KCTD6: variants seen among roughly 807,000 people sequenced by gnomAD.
The protein encoded by KCTD6 is potassium channel tetramerization domain containing 6, also known as BTB/POZ domain-containing protein KCTD6.
In KCTD6, 6 loss-of-function variants were observed where a neutral mutation model predicts 18.7. That is an observed-to-expected ratio of 0.32 (90% CI 0.18 to 0.63). The LOEUF (loss-of-function observed/expected upper bound fraction) is 0.63, where lower values mean the gene tolerates loss of function less well. Ranked by LOEUF, KCTD6 falls within the 30% of genes least tolerant of loss-of-function variation. KCTD6 has a pLI of 0.79. For synonymous variants in KCTD6, 86 were observed against 108.5 expected (o/e 0.79, Z 1.29); for missense variants, 165 against 300.2 (o/e 0.55, Z 3.33).
chr3:58,501,938 T>C lies in KCTD6; in HGVS notation c.*306T>C, dbSNP rs117978249. On this transcript the variant is annotated 3_prime_UTR_variant, in exon 3 of 3. Coordinates refer to ENST00000404589, the MANE Select transcript of KCTD6 (RefSeq NM_001128214.2). This position sits in a 1 kb window ranked among gnomAD's most constrained non-coding sequence, Gnocchi z 9.7. ...TTTTCTTATTACAGTGCTAAAATGA[T>C]TTCTGATAAAATGGTCCCTAACTCA... The C allele has an allele frequency of 8.6e-4, 165 of 191,590 alleles. No individual in the cohort carries two copies. In the East Asian group the frequency reaches 0.019, roughly 22 times the overall value. 11.9% of individuals were successfully genotyped at this position (191,590 alleles called of 1,614,324 possible). A position where few individuals can be genotyped will look rare whatever the true frequency, so the allele number is the denominator to read the frequency against.
chr3:58,498,014 C>T lies in KCTD6; in HGVS notation c.-43-699C>T, dbSNP rs984927707. On this transcript the variant is annotated intron_variant, in intron 1 of 2. Coordinates refer to ENST00000404589, the MANE Select transcript of KCTD6 (RefSeq NM_001128214.2). The surrounding 1 kb of genome is among the most constrained non-coding windows in gnomAD (Gnocchi z 4.6). Reference sequence around the variant, plus strand: ...TTTTTTTTTTTGAGATGGAGTCTCGCACTGTTGCAGGGGCTGGTGTGCAGT... The same window carrying T: ...TTTTTTTTTTTGAGATGGAGTCTCGTACTGTTGCAGGGGCTGGTGTGCAGT... 1.4e-5 allele frequency: 2 copies of T among 146,708 alleles called. No individual in the cohort carries two copies. The highest frequency in any genetic ancestry group is 5.1e-5 in the African/African-American group (2 of 39,602). 9.1% of individuals were successfully genotyped at this position (146,708 alleles called of 1,614,324 possible).
chr3:58,492,117 C>T lies in KCTD6; in HGVS notation c.-96C>T, dbSNP rs1324284049. On this transcript the variant is annotated 5_prime_UTR_variant, in exon 1 of 3. Transcript: ENST00000404589. The surrounding 1 kb of genome is among the most constrained non-coding windows in gnomAD (Gnocchi z 6.1). ...GCTCGCTTGTCCCCGCGCTCGCGCT[C>T]TCCGGCCGCGGGCATCTCCCGGCCC... 1 of 148,970 alleles carries T rather than the reference C, an allele frequency of 6.7e-6. No individual in the cohort carries two copies. Among genetic ancestry groups the T allele is most frequent in the African/African-American group, 2.4e-5 (1 of 41,026 alleles). 9.2% of individuals were successfully genotyped at this position (148,970 alleles called of 1,614,324 possible). A position where few individuals can be genotyped will look rare whatever the true frequency, so the allele number is the denominator to read the frequency against.
At chr3:58,500,151 T>C (rs1212156294) in intron 2 of KCTD6, among the ~76,000 whole-genome samples, 1 of 151,970 alleles carries the variant, frequency 6.6e-6, no homozygotes, top group Non-Finnish European at 1.5e-5. Flanking sequence ...AATCTCTCTG[T>C]GTCGCCCAGG....
rs548080051 is a variant in KCTD6 at position 58,498,551 on chromosome 3, G to T, written c.-43-162G>T. On this transcript the variant is annotated intron_variant, in intron 1 of 2. Transcript: ENST00000404589. The surrounding 1 kb of genome is among the most constrained non-coding windows in gnomAD (Gnocchi z 4.6). The stretch of plus-strand genomic sequence containing the variant: ...ACAGGACATGTAGAAGGCCCTAGGG[G>T]AATGCTTTCTTCCCCAGATCTTTGC... 2 of 591,338 alleles carry T rather than the reference G, an allele frequency of 3.4e-6. No individual in the cohort carries two copies. Among genetic ancestry groups the T allele is most frequent in the Non-Finnish European group, 3.0e-6 (1 of 338,068 alleles). The allele number at this position is 591,338 out of a possible 1,614,324, so 36.6% of individuals were successfully genotyped here. A position where few individuals can be genotyped will look rare whatever the true frequency, so the allele number is the denominator to read the frequency against.
chr3:58,497,313 G>C lies in KCTD6; in HGVS notation c.-43-1400G>C, dbSNP rs2063179169. The stretch of plus-strand genomic sequence containing the variant: ...CATGCCTGAGTGACCTTTTGAGAAA[G>C]AGCCTTTGTGATCTTCTGTAGCTAG... On this transcript the variant is annotated intron_variant, in intron 1 of 2. Coordinates refer to ENST00000404589, the MANE Select transcript of KCTD6 (RefSeq NM_001128214.2). The surrounding 1 kb of genome is among the most constrained non-coding windows in gnomAD (Gnocchi z 4.2). Among the ~76,000 whole-genome samples the C allele has an allele frequency of 6.6e-6, 1 of 152,252 alleles. No individual in the cohort carries two copies. The highest frequency in any genetic ancestry group is 1.5e-5 in the Non-Finnish European group (1 of 68,042).
chr3:58,498,788 T>C lies in KCTD6; in HGVS notation c.27+6T>C. ...ATGGAGACTGGGGCTATATGGTGAG[T>C]GCTTCTTGGAGATGCATTTTGAAGG... On this transcript the variant is annotated splice_donor_region_variant and intron_variant, in intron 2 of 2. Transcript: ENST00000404589. The surrounding 1 kb of genome is among the most constrained non-coding windows in gnomAD (Gnocchi z 4.6). The C allele has an allele frequency of 6.2e-7, 1 of 1,610,066 alleles. No individual in the cohort carries two copies. Among genetic ancestry groups the C allele is most frequent in the Non-Finnish European group, 8.5e-7 (1 of 1,178,012 alleles).
Position 58,492,131 on chromosome 3 carries a change from A to G in KCTD6, c.-82A>G, listed in dbSNP as rs1576976869. 6.7e-6 allele frequency: 1 copy of G among 148,798 alleles called. No homozygotes were observed. The highest frequency in any genetic ancestry group is 2.0e-4 in the East Asian group (1 of 5,016). 9.2% of individuals were successfully genotyped at this position (148,798 alleles called of 1,614,324 possible). A position where few individuals can be genotyped will look rare whatever the true frequency, so the allele number is the denominator to read the frequency against. ...GCGCTCGCGCTCTCCGGCCGCGGGC[A>G]TCTCCCGGCCCGGCCGCAGCAGCCG... On this transcript the variant is annotated 5_prime_UTR_variant, in exon 1 of 3. Transcript: ENST00000404589. The surrounding 1 kb of genome is among the most constrained non-coding windows in gnomAD (Gnocchi z 6.1).
rs892368534 is a variant in KCTD6, at chr3:58,492,500, G to A, written c.-44+331G>A. Reference sequence around the variant, plus strand: ...CCCGCCCTACCCCTGGCCGGGTCGGGTTGCGGGGGCTTCGCTGGCGGGGCA... The same window carrying A: ...CCCGCCCTACCCCTGGCCGGGTCGGATTGCGGGGGCTTCGCTGGCGGGGCA... On this transcript the variant is annotated intron_variant, in intron 1 of 2. Transcript: ENST00000404589. The surrounding 1 kb of genome is among the most constrained non-coding windows in gnomAD (Gnocchi z 6.1). Among the ~76,000 whole-genome samples the A allele has an allele frequency of 6.6e-6, 1 of 151,956 alleles. No homozygotes were observed. The highest frequency in any genetic ancestry group is 2.4e-5 in the African/African-American group (1 of 41,420).
At chr3:58,495,302 A>G (rs1441151128) in intron 1 of KCTD6, among the ~76,000 whole-genome samples, 1 of 152,144 alleles carries the variant, frequency 6.6e-6, no homozygotes, top group Non-Finnish European at 1.5e-5. Flanking sequence ...GCCAGAAGGG[A>G]GAGAAGATGA....
Position 58,501,127 on chromosome 3 carries a change from A to G in KCTD6, c.209A>G (p.Asn70Ser), listed in dbSNP as rs1045844694. ...RDGPLFRYVL[N>S]FLRTSELTLP... ...GGACCTCTTTTCCGATATGTCCTCA[A>G]CTTCTTAAGAACTTCAGAATTGACC... Residue 70 changes from asparagine (N) to serine (S), a missense_variant, in exon 3 of 3, where the codon AAC becomes AGC. By Grantham distance (46) the Asn-to-Ser change is conservative (BLOSUM62 1). This residue lies in a region of KCTD6 where 106 missense variants were observed against 230.4 expected (regional missense o/e 0.46). Transcript: ENST00000404589. The surrounding 1 kb of genome is among the most constrained non-coding windows in gnomAD (Gnocchi z 9.7). 6.2e-7 allele frequency: 1 copy of G among 1,614,194 alleles called. No homozygotes were observed. Among genetic ancestry groups the G allele is most frequent in the Non-Finnish European group, 8.5e-7 (1 of 1,180,032 alleles).
At chr3:58,494,714 G>A (rs115901286) in intron 1 of KCTD6, among the ~76,000 whole-genome samples, 1 of 152,008 alleles carries the variant, frequency 6.6e-6, no homozygotes, top group Admixed American at 6.5e-5. Flanking sequence ...GGCATTTAAG[G>A]GTTCTTAGGT....
At chr3:58,494,494 C>T (rs192430384) in intron 1 of KCTD6, 9 of 152,242 alleles carry the variant, frequency 5.9e-5, no homozygotes, top group African/African-American at 1.9e-4. Flanking sequence ...TAAAGGGCTG[C>T]CTGGAAACTC....
chr3:58,497,886 G>A lies in KCTD6; in HGVS notation c.-43-827G>A, dbSNP rs1357801738. 1 of 151,572 alleles carries A rather than the reference G, an allele frequency of 6.6e-6. No homozygotes were observed. Among genetic ancestry groups the A allele is most frequent in the Non-Finnish European group, 1.5e-5 (1 of 67,920 alleles). The allele number at this position is 151,572 out of a possible 1,614,324, so 9.4% of individuals were successfully genotyped here. Reference sequence around the variant, plus strand: ...GAAAGGGATGCTGGTATCCTGGGAGGTTTATGATTTTTGATGTTTTTACTC... The same window carrying A: ...GAAAGGGATGCTGGTATCCTGGGAGATTTATGATTTTTGATGTTTTTACTC... On this transcript the variant is annotated intron_variant, in intron 1 of 2. Coordinates refer to ENST00000404589, the MANE Select transcript of KCTD6 (RefSeq NM_001128214.2). This position sits in a 1 kb window ranked among gnomAD's most constrained non-coding sequence, Gnocchi z 4.2.
At chr3:58,499,846 T>C (rs1305947455) in intron 2 of KCTD6, among the ~76,000 whole-genome samples, 4 of 152,102 alleles carry the variant, frequency 2.6e-5, no homozygotes, top group African/African-American at 9.7e-5. Flanking sequence ...GGCCTATTTT[T>C]TTCGTAAATA....
At chr3:58,500,054 A>G (rs1371582870) in intron 2 of KCTD6, among the ~76,000 whole-genome samples, 4 of 152,102 alleles carry the variant, frequency 2.6e-5, no homozygotes, top group African/African-American at 9.7e-5. Context: ...TTAGTATTTG[A>G]AAGTATCACT....
At position 58,492,132 on chromosome 3, in the gene KCTD6, T is replaced by G. The variant is rs1420505066; in HGVS notation, c.-81T>G. ...CGCTCGCGCTCTCCGGCCGCGGGCA[T>G]CTCCCGGCCCGGCCGCAGCAGCCGC... On this transcript the variant is annotated 5_prime_UTR_variant, in exon 1 of 3. Coordinates refer to ENST00000404589, the MANE Select transcript of KCTD6 (RefSeq NM_001128214.2). This position sits in a 1 kb window ranked among gnomAD's most constrained non-coding sequence, Gnocchi z 6.1. 6.7e-6 allele frequency: 1 copy of G among 148,778 alleles called. No homozygotes were observed. The highest frequency in any genetic ancestry group is 2.0e-4 in the East Asian group (1 of 5,044). The allele number at this position is 148,778 out of a possible 1,614,324, so 9.2% of individuals were successfully genotyped here. A position where few individuals can be genotyped will look rare whatever the true frequency, so the allele number is the denominator to read the frequency against.
At position 58,501,070 on chromosome 3, in the gene KCTD6, A is replaced by G; in HGVS notation, c.152A>G (p.Asp51Gly). The change falls in exon 3 of 3, where the codon GAC (aspartate) becomes GGC (glycine). Residue 51 changes from aspartate (D) to glycine (G), a missense_variant. This residue lies in a region of KCTD6 where 59 missense variants were observed against 69.9 expected (regional missense o/e 0.84). Coordinates refer to ENST00000404589, the MANE Select transcript of KCTD6 (RefSeq NM_001128214.2). This position sits in a 1 kb window ranked among gnomAD's most constrained non-coding sequence, Gnocchi z 9.7. ...GGGGGGGACTTCCCCACAGCTCGAG[A>G]CCCTCAAGGCAATTACTTTATTGAT... ...MFGGDFPTAR[D>G]PQGNYFIDRD... 1 of 1,614,154 alleles carries G rather than the reference A, an allele frequency of 6.2e-7. No homozygotes were observed. The highest frequency in any genetic ancestry group is 1.1e-5 in the South Asian group (1 of 91,086).
Position 58,500,997 on chromosome 3 carries a change from C to T in KCTD6, c.79C>T (p.Leu27Phe). ...NVGGHLYTTS[L>F]TTLTRYPDSM... is the part of the protein sequence containing the mutation. ...AGGTGGACACTTGTATACAACGTCT[C>T]TCACCACATTGACGCGTTACCCGGA... The change falls in exon 3 of 3, where the codon CTC (leucine) becomes TTC (phenylalanine). Residue 27 changes from leucine (L) to phenylalanine (F), a missense_variant. By Grantham distance (22) the Leu-to-Phe change is conservative. This residue lies in a region of KCTD6 where 59 missense variants were observed against 69.9 expected (regional missense o/e 0.84). Coordinates refer to ENST00000404589, the MANE Select transcript of KCTD6 (RefSeq NM_001128214.2). 6.2e-7 allele frequency: 1 copy of T among 1,611,736 alleles called. No homozygotes were observed.
Position 58,492,526 on chromosome 3 carries a change from GC to G in KCTD6, c.-44+358del, listed in dbSNP as rs2063159597. Among the ~76,000 whole-genome samples the G allele has an allele frequency of 6.6e-6, 1 of 152,016 alleles. No individual in the cohort carries two copies. The highest frequency in any genetic ancestry group is 1.5e-5 in the Non-Finnish European group (1 of 67,950). ...TTGCGGGGGCTTCGCTGGCGGGGCAGCAGCGAAGGGCGGCCCGGACGGAGAT... is the reference window on the plus strand; with the variant it reads ...TTGCGGGGGCTTCGCTGGCGGGGCAGAGCGAAGGGCGGCCCGGACGGAGAT... On this transcript the variant is annotated intron_variant, in intron 1 of 2. Transcript: ENST00000404589. The surrounding 1 kb of genome is among the most constrained non-coding windows in gnomAD (Gnocchi z 6.1).
Sources: allele counts gnomAD v4.1 joint callset (sites outside exome capture counted in the v4.1 genomes callset), GRCh38; gene constraint gnomAD v4.1.1; regional missense constraint gnomAD v4.1.1; non-coding constraint Gnocchi (gnomAD v3.1); transcripts MANE v1.5; gene names NCBI Gene and HGNC (gene_info 2026-07-23, HGNC 2026-07-21).